Variants in ZBTB18 observed in about 807,000 individuals in gnomAD.
The protein encoded by ZBTB18 is zinc finger and BTB domain-containing protein 18.
Under a neutral mutation model 37.7 loss-of-function variants are expected in ZBTB18, and 2 were observed. The ratio of observed to expected loss-of-function variants is 0.05; its 90% confidence interval spans 0.02 to 0.17. The LOEUF (loss-of-function observed/expected upper bound fraction) is 0.17. ZBTB18 is among the 10% of genes least tolerant of loss of function. ZBTB18 has a pLI of 1.00. For missense variants in ZBTB18, 408 were observed against 686.3 expected (o/e 0.59, Z 4.53); for synonymous variants, 304 against 276.5 (o/e 1.10, Z -0.99).
chr1:244,050,390 T>TC (rs1455619665), upstream of ZBTB18, among the ~76,000 whole-genome samples: 5 of 146,948 alleles, frequency 3.4e-5, no homozygotes, highest in Non-Finnish European at 1.5e-5. Flanking sequence ...AGACCTGGCT[T>TC]CCCCCCACAC....
rs765388037 is a variant in ZBTB18 at position 244,054,674 on chromosome 1, C to T, written c.900C>T (p.Asp300=). The stretch of plus-strand genomic sequence containing the variant: ...GTGATGTTGGCACTAATGACTATGA[C>T]ATGGAACATAGCACTGTGAAAGAAA... ...DESDVGTNDY[D]MEHSTVKESV... is the part of the protein sequence containing the mutation. Residue 300 remains aspartate, a synonymous_variant, in exon 2 of 2, where the codon GAC becomes GAT. Transcript: ENST00000358704. This position sits in a 1 kb window ranked among gnomAD's most constrained non-coding sequence, Gnocchi z 9.0. The T allele has an allele frequency of 2.5e-6, 4 of 1,614,100 alleles. No individual in the cohort carries two copies. The highest frequency in any genetic ancestry group is 1.1e-5 in the South Asian group (1 of 91,086).
At chr1:244,052,560 G>T (rs1698374718) in intron 1 of ZBTB18, among the ~76,000 whole-genome samples, 1 of 152,194 alleles carries the variant, frequency 6.6e-6, no homozygotes, top group African/African-American at 2.4e-5. Context: ...TCACAGGAAA[G>T]GGGAAGTCGG....
At position 244,056,034 on chromosome 1, in the gene ZBTB18, T is replaced by G. The variant is rs1698461736; in HGVS notation, c.*664T>G. The G allele has an allele frequency of 6.0e-6, 1 of 167,092 alleles. No individual in the cohort carries two copies. The highest frequency in any genetic ancestry group is 1.5e-5 in the Non-Finnish European group (1 of 68,112). 10.4% of individuals were successfully genotyped at this position (167,092 alleles called of 1,614,324 possible). A position where few individuals can be genotyped will look rare whatever the true frequency, so the allele number is the denominator to read the frequency against. On this transcript the variant is annotated 3_prime_UTR_variant, in exon 2 of 2. Transcript: ENST00000358704. Reference sequence around the variant, plus strand: ...TATTGCAGCTTCAGCAGTGTTGAACTGTGTGTTTAAAAATGTGAATTACTG... The same window carrying G: ...TATTGCAGCTTCAGCAGTGTTGAACGGTGTGTTTAAAAATGTGAATTACTG...
At position 244,054,056 on chromosome 1, in the gene ZBTB18, G is replaced by A. The variant is rs979022692; in HGVS notation, c.282G>A (p.Gly94=). Residue 94 remains glycine (G), a synonymous_variant, in exon 2 of 2, where the codon GGG becomes GGA. Transcript: ENST00000358704. The surrounding 1 kb of genome is among the most constrained non-coding windows in gnomAD (Gnocchi z 9.0). Reference sequence around the variant, plus strand: ...TCCTGCTTGAATTCATGTATGAAGGGAAACTCCAGTTCAAAGACTTGCCCA... The same window carrying A: ...TCCTGCTTGAATTCATGTATGAAGGAAAACTCCAGTTCAAAGACTTGCCCA... ...FALLLEFMYE[G]KLQFKDLPIE... is the part of the protein sequence containing the mutation. 6.2e-7 allele frequency: 1 copy of A among 1,614,078 alleles called. No homozygotes were observed. The highest frequency in any genetic ancestry group is 8.5e-7 in the Non-Finnish European group (1 of 1,180,030).
Position 244,055,229 on chromosome 1 carries a change from G to A in ZBTB18, c.1455G>A (p.Thr485=), listed in dbSNP as rs999538848. ...GCAAGTGGTGCGAGCGCAGGTTCAC[G>A]CAGTCCGGGGACCTGTACAGACACA... is the stretch of plus-strand genomic sequence containing the variant. The part of the protein sequence containing the change: ...HACKWCERRF[T]QSGDLYRHIR... Residue 485 remains threonine, a synonymous_variant, in exon 2 of 2, where the codon ACG becomes ACA. Transcript: ENST00000358704. This position sits in a 1 kb window ranked among gnomAD's most constrained non-coding sequence, Gnocchi z 7.0. 16 of 1,613,938 alleles carry A rather than the reference G, an allele frequency of 9.9e-6. No homozygotes were observed. The highest frequency in any genetic ancestry group is 6.7e-5 in the Admixed American group (4 of 60,006).
rs1009306677 is a variant in ZBTB18, at chr1:244,056,719, C to T, written c.*1349C>T. ...AAAGATTCTATGGACTGAAAAAGCCCCAGGCTGAAAGGACTGGACTGCCTT... is the reference window on the plus strand; with the variant it reads ...AAAGATTCTATGGACTGAAAAAGCCTCAGGCTGAAAGGACTGGACTGCCTT... On this transcript the variant is annotated 3_prime_UTR_variant, in exon 2 of 2. Coordinates refer to ENST00000358704, the MANE Select transcript of ZBTB18 (RefSeq NM_205768.3). 6.0e-6 allele frequency: 1 copy of T among 165,712 alleles called. No individual in the cohort carries two copies. The highest frequency in any genetic ancestry group is 1.5e-5 in the Non-Finnish European group (1 of 67,878). 10.3% of individuals were successfully genotyped at this position (165,712 alleles called of 1,614,324 possible).
rs1381459019 is a variant in ZBTB18, at chr1:244,053,768, A to G, written c.14-20A>G. On this transcript the variant is annotated intron_variant, in intron 1 of 1. Transcript: ENST00000358704. The surrounding 1 kb of genome is among the most constrained non-coding windows in gnomAD (Gnocchi z 5.2). The stretch of plus-strand genomic sequence containing the variant: ...AGTTGTTCCTGACCAGGCTCTAATG[A>G]GAAATTCCTCTCTCCCCAGGTTATG... 6.3e-7 allele frequency: 1 copy of G among 1,585,332 alleles called. No homozygotes were observed. The highest frequency in any genetic ancestry group is 2.2e-5 in the East Asian group (1 of 44,452).
chr1:244,049,368 A>G (rs1026293633), upstream of ZBTB18, among the ~76,000 whole-genome samples: 1 of 101,876 alleles, frequency 9.8e-6, no homozygotes. Flanking sequence ...GGGCTGGGGG[A>G]GGGGGCTTGG....
Position 244,054,018 on chromosome 1 carries a change from C to T in ZBTB18, c.244C>T (p.Pro82Ser). 2 of 1,614,034 alleles carry T rather than the reference C, an allele frequency of 1.2e-6. No homozygotes were observed. Among genetic ancestry groups the T allele is most frequent in the Non-Finnish European group, 1.7e-6 (2 of 1,180,024 alleles). Residue 82 changes from proline to serine, a missense_variant, in exon 2 of 2, where the codon CCC becomes TCC. Physicochemically the swap from Pro to Ser is moderately conservative, Grantham distance 74 (BLOSUM62 -1). Around this residue, in one of 4 missense-constraint regions of ZBTB18, gnomAD observed 95 missense variants for 218.7 expected, o/e 0.43. Coordinates refer to ENST00000358704, the MANE Select transcript of ZBTB18 (RefSeq NM_205768.3). The surrounding 1 kb of genome is among the most constrained non-coding windows in gnomAD (Gnocchi z 9.0). Reference sequence around the variant, plus strand: ...TCTGAACAGCGACATTGTTACAGCCCCCGCTTTCGCTCTCCTGCTTGAATT... The same window carrying T: ...TCTGAACAGCGACATTGTTACAGCCTCCGCTTTCGCTCTCCTGCTTGAATT... ...VHLNSDIVTA[P>S]AFALLLEFMY...
chr1:244,053,408 G>C lies in ZBTB18; in HGVS notation c.14-380G>C, dbSNP rs1698390610. Reference sequence around the variant, plus strand: ...GTTTATTATATGAGTTGTTCCCTTTGAAATTAAAGCTATTTTGTAGGTTTT... The same window carrying C: ...GTTTATTATATGAGTTGTTCCCTTTCAAATTAAAGCTATTTTGTAGGTTTT... On this transcript the variant is annotated intron_variant, in intron 1 of 1. Coordinates refer to ENST00000358704, the MANE Select transcript of ZBTB18 (RefSeq NM_205768.3). This position sits in a 1 kb window ranked among gnomAD's most constrained non-coding sequence, Gnocchi z 5.2. Among the ~76,000 whole-genome samples the C allele has an allele frequency of 6.6e-6, 1 of 152,132 alleles. No individual in the cohort carries two copies.
chr1:244,052,265 T>A (rs1698369972), intron 1 of ZBTB18, among the ~76,000 whole-genome samples: 1 of 152,242 alleles, frequency 6.6e-6, no homozygotes, highest in Non-Finnish European at 1.5e-5. Flanking sequence ...CCTAATTTGA[T>A]CACGGCTACC....
At chr1:244,052,253 C>T (rs1314670077) in intron 1 of ZBTB18, among the ~76,000 whole-genome samples, 2 of 152,202 alleles carry the variant, frequency 1.3e-5, no homozygotes, top group Non-Finnish European at 2.9e-5. Flanking sequence ...TCCTCTCAGC[C>T]TCCTAATTTG....
Position 244,054,077 on chromosome 1 carries a change from G to A in ZBTB18, c.303G>A (p.Leu101=). 1.9e-6 allele frequency: 3 copies of A among 1,614,100 alleles called. No individual in the cohort carries two copies. Among genetic ancestry groups the A allele is most frequent in the Non-Finnish European group, 2.5e-6 (3 of 1,180,028 alleles). ...MYEGKLQFKD[L]PIEDVLAAAS... is the part of the protein sequence containing the mutation. Reference sequence around the variant, plus strand: ...AAGGGAAACTCCAGTTCAAAGACTTGCCCATTGAAGACGTGCTAGCAGCTG... The same window carrying A: ...AAGGGAAACTCCAGTTCAAAGACTTACCCATTGAAGACGTGCTAGCAGCTG... The change falls in exon 2 of 2, where the codon TTG becomes TTA. Residue 101 remains leucine, a synonymous_variant. Coordinates refer to ENST00000358704, the MANE Select transcript of ZBTB18 (RefSeq NM_205768.3). This position sits in a 1 kb window ranked among gnomAD's most constrained non-coding sequence, Gnocchi z 9.0.
At position 244,055,376 on chromosome 1, in the gene ZBTB18, T is replaced by TATATATATAAATAATATATATATATATAC. The variant is rs1286045126; in HGVS notation, c.*20_*48dup. On this transcript the variant is annotated 3_prime_UTR_variant, in exon 2 of 2. Coordinates refer to ENST00000358704, the MANE Select transcript of ZBTB18 (RefSeq NM_205768.3). The surrounding 1 kb of genome is among the most constrained non-coding windows in gnomAD (Gnocchi z 7.0). ...CTCAAGAACTTTGGAAATAATTTTA[T>TATATATATAAATAATATATATATATATAC]ATATATATAAATAATATATATATAT... The TATATATATAAATAATATATATATATATAC allele has an allele frequency of 1.0e-5, 10 of 971,554 alleles. No homozygotes were observed. The highest frequency in any genetic ancestry group is 8.9e-5 in the Admixed American group (3 of 33,584). The allele number at this position is 971,554 out of a possible 1,614,324, so 60.2% of individuals were successfully genotyped here. A position where few individuals can be genotyped will look rare whatever the true frequency, so the allele number is the denominator to read the frequency against.
At chr1:244,048,646 C>G (rs1377290643), upstream of ZBTB18, among the ~76,000 whole-genome samples, 1 of 146,974 alleles carries the variant, frequency 6.8e-6, no homozygotes, top group African/African-American at 2.5e-5. Flanking sequence ...CCCGCCCCCG[C>G]CCCCCCACCC....
intron 1 of ZBTB18, among the ~76,000 whole-genome samples, chr1:244,052,845 C>T (rs1231903571): frequency 1.3e-5 from 2 of 151,710 alleles, no homozygotes; most frequent in Admixed American, 6.6e-5. Context: ...ACCTGTAAAG[C>T]TTTTGAGTTT....
At chr1:244,048,732 C>T (rs1698285990), upstream of ZBTB18, among the ~76,000 whole-genome samples, 1 of 143,070 alleles carries the variant, frequency 7.0e-6, no homozygotes, top group Non-Finnish European at 1.5e-5. Flanking sequence ...CGCTGGGCTG[C>T]TGCCATGGGG....
chr1:244,050,249 G>T (rs1698320103), upstream of ZBTB18, among the ~76,000 whole-genome samples: 1 of 152,176 alleles, frequency 6.6e-6, no homozygotes, highest in African/African-American at 2.4e-5. Context: ...AGAGTCTGAG[G>T]AGATGTATTT....
Position 244,056,490 on chromosome 1 carries a change from A to G in ZBTB18, c.*1120A>G, listed in dbSNP as rs1698471873. 6.0e-6 allele frequency: 1 copy of G among 167,110 alleles called. No homozygotes were observed. Among genetic ancestry groups the G allele is most frequent in the Non-Finnish European group, 1.5e-5 (1 of 68,120 alleles). 10.4% of individuals were successfully genotyped at this position (167,110 alleles called of 1,614,324 possible). A position where few individuals can be genotyped will look rare whatever the true frequency, so the allele number is the denominator to read the frequency against. ...CAGTGTGCATTTATAACAAACTTCT[A>G]ATTGCACAAAACCCATGCCAGCTCA... On this transcript the variant is annotated 3_prime_UTR_variant, in exon 2 of 2. Transcript: ENST00000358704.
Sources: allele counts gnomAD v4.1 joint callset (sites outside exome capture counted in the v4.1 genomes callset), GRCh38; gene constraint gnomAD v4.1.1; regional missense constraint gnomAD v4.1.1; non-coding constraint Gnocchi (gnomAD v3.1); transcripts MANE v1.5; gene names NCBI Gene and HGNC (gene_info 2026-07-23, HGNC 2026-07-21).